TRAM2: variants seen among roughly 807,000 people sequenced by gnomAD.
TRAM2 encodes translocation associated membrane protein 2.
Under a neutral mutation model 51.0 loss-of-function variants are expected in TRAM2, and 12 were observed. The observed-to-expected ratio is 0.24, with a 90% CI of 0.15 to 0.38. The LOEUF is 0.38. Ranked by LOEUF, TRAM2 falls within the 10% of genes least tolerant of loss-of-function variation. TRAM2 has a pLI of 1.00. For synonymous variants in TRAM2, 175 were observed against 179.4 expected, an observed-to-expected ratio of 0.98 and a Z score of 0.20; for missense variants, 361 against 462.0, an observed-to-expected ratio of 0.78 and a Z score of 2.00.
intron 1 of TRAM2, among the ~76,000 whole-genome samples, chr6:52,543,337 A>T (rs540502417): frequency 6.6e-6 from 1 of 152,338 alleles, no homozygotes; most frequent in East Asian, 1.9e-4. Flanking sequence ...TACATAAAAA[A>T]TTTTAAATGC....
In TRAM2 at chr6:52,564,252, G is replaced by A. The variant is rs116646942; in HGVS notation, c.120+12544C>T. Among the ~76,000 whole-genome samples the A allele has an allele frequency of 9.9e-3, 1,501 of 152,220 alleles. 17 individuals are homozygous for A. The highest frequency in any genetic ancestry group is 0.032 in the African/African-American group (1,338 of 41,492). On this transcript the variant is annotated intron_variant, in intron 1 of 10. Coordinates refer to ENST00000182527, the MANE Select transcript of TRAM2 (RefSeq NM_012288.4). ...GCAAGGAGCCATGCCCAGCCCTACT[G>A]CCAGTGACCTTGCTAGTACAAATTG... is the stretch of plus-strand genomic sequence containing the variant.
At chr6:52,507,424 G>A in intron 7 of TRAM2, 129 bp downstream of exon 7, 1 of 868,660 alleles carries the variant, frequency 1.2e-6, no homozygotes, top group Non-Finnish European at 1.8e-6. Flanking sequence ...TCTTTGTATT[G>A]CCAAGTCTTA....
chr6:52,559,272 G>T (rs114416081), intron 1 of TRAM2, among the ~76,000 whole-genome samples: 1,591 of 152,198 alleles, frequency 0.01, 27 homozygotes, highest in African/African-American at 0.036. Flanking sequence ...CAGACGCGAC[G>T]GATTACTTGG....
chr6:52,549,665 A>G (rs1370160390), intron 1 of TRAM2, among the ~76,000 whole-genome samples: 1 of 152,210 alleles, frequency 6.6e-6, no homozygotes, highest in African/African-American at 2.4e-5. Flanking sequence ...GCTGCACCAG[A>G]AACTCCTCTT....
In TRAM2 at chr6:52,570,795, AC is replaced by A. The variant is rs59879346; in HGVS notation, c.120+6000del. Among the ~76,000 whole-genome samples, 468 of 64,172 alleles carry A rather than the reference AC, an allele frequency of 7.3e-3. 3 individuals carry two copies. The highest frequency in any genetic ancestry group is 0.025 in the African/African-American group (343 of 13,662). The allele number at this position is 64,172 out of a possible 152,430, so 42.1% of individuals were successfully genotyped here. Reference sequence around the variant, plus strand: ...TCTGCCCCAATCCTCCCTGCCCACCACCCCCCCCCCCACACGCACACACACT... The same window carrying A: ...TCTGCCCCAATCCTCCCTGCCCACCACCCCCCCCCCACACGCACACACACT... On this transcript the variant is annotated intron_variant, in intron 1 of 10. Transcript: ENST00000182527.
intron 1 of TRAM2, among the ~76,000 whole-genome samples, chr6:52,561,559 C>T (rs1767501958): frequency 6.6e-6 from 1 of 150,904 alleles, no homozygotes. Context: ...AATCTGGGCT[C>T]ACTGCAAGCT....
chr6:52,530,068 T>A lies in TRAM2; in HGVS notation c.184+5715A>T, dbSNP rs1225777536. Among the ~76,000 whole-genome samples the A allele has an allele frequency of 2.6e-5, 4 of 152,236 alleles. No homozygotes were observed. In the East Asian group the frequency reaches 7.7e-4, roughly 29 times the overall value. ...ATTTCAGATGAATGATGATTAATTT[T>A]CTAGTATAATGCTATCTCATACATA... is the stretch of plus-strand genomic sequence containing the variant. On this transcript the variant is annotated intron_variant, in intron 2 of 10. Coordinates refer to ENST00000182527, the MANE Select transcript of TRAM2 (RefSeq NM_012288.4).
intron 5 of TRAM2, 56 bp from the exon 6 acceptor site, chr6:52,508,374 T>C (rs373084518): frequency 7.4e-4 from 1,149 of 1,543,122 alleles, no homozygotes; most frequent in Non-Finnish European, 9.6e-4. Flanking sequence ...TCCCTGCAGG[T>C]GCTGGCCAAG....
At chr6:52,525,922 C>T (rs1223844788) in intron 2 of TRAM2, among the ~76,000 whole-genome samples, 3 of 152,054 alleles carry the variant, frequency 2.0e-5, no homozygotes, top group African/African-American at 7.2e-5. Flanking sequence ...CAGAGACAGA[C>T]ACAAACAGAG....
chr6:52,509,727 A>T, intron 4 of TRAM2, 141 bp from the exon 5 acceptor site: 1 of 730,644 alleles, frequency 1.4e-6, no homozygotes, highest in Non-Finnish European at 2.3e-6. Flanking sequence ...AAAACAGAGA[A>T]CTTCTCTGTG....
At chr6:52,512,065 G>A (rs1766461715) in intron 4 of TRAM2, among the ~76,000 whole-genome samples, 1 of 152,084 alleles carries the variant, frequency 6.6e-6, no homozygotes, top group Non-Finnish European at 1.5e-5. Context: ...TCCTGCCCCA[G>A]GCTACCTCAT....
intron 1 of TRAM2, among the ~76,000 whole-genome samples, chr6:52,568,722 G>A (rs571938562): frequency 1.3e-5 from 2 of 152,220 alleles, no homozygotes; most frequent in African/African-American, 4.8e-5. Flanking sequence ...TCATAACAGT[G>A]CTGGGCCCCT....
intron 1 of TRAM2, among the ~76,000 whole-genome samples, chr6:52,567,778 A>T (rs765545820): frequency 2.0e-5 from 3 of 152,224 alleles, no homozygotes; most frequent in Admixed American, 6.5e-5. Context: ...CTTCTCCACC[A>T]TGGGTTCTGC....
At chr6:52,547,830 AC>A (rs1353564669) in intron 1 of TRAM2, among the ~76,000 whole-genome samples, 1 of 152,222 alleles carries the variant, frequency 6.6e-6, no homozygotes, top group Non-Finnish European at 1.5e-5. Flanking sequence ...CAGAATCAGA[AC>A]CCACAGATAT....
At chr6:52,510,539 C>T (rs1241361108) in intron 4 of TRAM2, among the ~76,000 whole-genome samples, 1 of 152,090 alleles carries the variant, frequency 6.6e-6, no homozygotes, top group East Asian at 1.9e-4. Context: ...GAACCCAAGA[C>T]CTTGTATAAG....
chr6:52,502,410 T>C lies in TRAM2; in HGVS notation c.*787A>G, dbSNP rs1766248439. On this transcript the variant is annotated 3_prime_UTR_variant, in exon 11 of 11. Coordinates refer to ENST00000182527, the MANE Select transcript of TRAM2 (RefSeq NM_012288.4). ...GAGGTGCCTGCTGCGCAGTTTGCTCTGCTCTCGCTCTAAGCAGTGGGAAGA... is the reference window on the plus strand; with the variant it reads ...GAGGTGCCTGCTGCGCAGTTTGCTCCGCTCTCGCTCTAAGCAGTGGGAAGA... The C allele has an allele frequency of 6.7e-6, 1 of 149,728 alleles. No homozygotes were observed. The highest frequency in any genetic ancestry group is 2.5e-5 in the African/African-American group (1 of 40,422). 9.3% of individuals were successfully genotyped at this position (149,728 alleles called of 1,614,324 possible).
chr6:52,542,245 G>T (rs1008030335), intron 1 of TRAM2, among the ~76,000 whole-genome samples: 52 of 149,208 alleles, frequency 3.5e-4, no homozygotes, highest in Non-Finnish European at 6.0e-4. Context: ...CCCAATTGGT[G>T]GGGAAGAGAT....
chr6:52,527,437 C>T (rs1376198920), intron 2 of TRAM2, among the ~76,000 whole-genome samples: 4 of 137,712 alleles, frequency 2.9e-5, no homozygotes, highest in African/African-American at 1.1e-4. Context: ...GTAGAAGAAA[C>T]GATTTGATCA....
chr6:52,534,726 A>G (rs1301234642), intron 2 of TRAM2, among the ~76,000 whole-genome samples: 1 of 152,228 alleles, frequency 6.6e-6, no homozygotes, highest in African/African-American at 2.4e-5. Context: ...GGAAGCTCTT[A>G]GGCTCACAGG....
Sources: gnomAD v4.1 joint callset for allele counts (sites outside exome capture counted in the v4.1 genomes callset) on GRCh38, gnomAD v4.1.1 for gene constraint, MANE v1.5 for transcripts, NCBI Gene and HGNC (gene_info 2026-07-23, HGNC 2026-07-21) for gene names.